IL1RAPL1: variants seen among roughly 807,000 people sequenced by gnomAD.
IL1RAPL1 encodes interleukin 1 receptor accessory protein like 1, also known as interleukin-1 receptor accessory protein-like 1.
Under a neutral mutation model 48.4 loss-of-function variants are expected in IL1RAPL1, and 3 were observed. The observed-to-expected ratio is 0.06, with a 90% CI of 0.03 to 0.16. IL1RAPL1 has a LOEUF of 0.16. Ranked by LOEUF, IL1RAPL1 falls within the 10% of genes least tolerant of loss-of-function variation. The pLI, the probability that IL1RAPL1 is intolerant of heterozygous loss-of-function variation, is 1.00. For missense variants in IL1RAPL1, 349 were observed against 530.6 expected (o/e 0.66, Z 3.36); for synonymous variants, 185 against 187.7 (o/e 0.99, Z 0.12).
chrX:28,744,445 G>A (rs1027839080), intron 1 of IL1RAPL1, among the ~76,000 whole-genome samples: 2 of 111,515 alleles, frequency 1.8e-5, no homozygotes, highest in African/African-American at 6.5e-5. Flanking sequence ...AATTTTATAA[G>A]CAGTATGAGA....
At chrX:28,623,647 C>A (rs1294817754) in intron 1 of IL1RAPL1, among the ~76,000 whole-genome samples, 1 of 111,914 alleles carries the variant, frequency 8.9e-6, no homozygotes, top group African/African-American at 3.2e-5. Flanking sequence ...GCATTTTATT[C>A]TTTCCTTCAT....
chrX:28,753,180 A>G (rs1936063729), intron 1 of IL1RAPL1, among the ~76,000 whole-genome samples: 1 of 111,991 alleles, frequency 8.9e-6, no homozygotes, highest in Admixed American at 9.5e-5. Context: ...AACAGAGGCC[A>G]TATGGCACAC....
At chrX:28,965,370 G>A (rs1306217065) in intron 2 of IL1RAPL1, among the ~76,000 whole-genome samples, 1 of 111,335 alleles carries the variant, frequency 9.0e-6, no homozygotes, top group Non-Finnish European at 1.9e-5. Flanking sequence ...TAGAAGGAAA[G>A]TGAGCCTTTT....
chrX:29,174,204 G>T (rs895034518), intron 2 of IL1RAPL1, among the ~76,000 whole-genome samples: 1 of 111,358 alleles, frequency 9.0e-6, no homozygotes, highest in Non-Finnish European at 1.9e-5. Context: ...GATTACAGGT[G>T]TGAGCCACCA....
intron 2 of IL1RAPL1, among the ~76,000 whole-genome samples, chrX:28,988,976 A>G (rs947071877): frequency 1.3e-4 from 15 of 112,003 alleles, no homozygotes; most frequent in Non-Finnish European, 2.1e-4. Context: ...GAGGCCACCA[A>G]TTGCAGAACT....
chrX:29,047,439 A>T (rs1193348935), intron 2 of IL1RAPL1, among the ~76,000 whole-genome samples: 1 of 112,565 alleles, frequency 8.9e-6, no homozygotes, highest in Non-Finnish European at 1.9e-5. Context: ...CACAGATAGC[A>T]TATTGTCAAA....
intron 2 of IL1RAPL1, among the ~76,000 whole-genome samples, chrX:28,937,802 A>G (rs1279645795): frequency 9.0e-6 from 1 of 111,361 alleles, no homozygotes; most frequent in Admixed American, 9.6e-5. Context: ...AAGCTCCTTC[A>G]CCTGATAACT....
At chrX:29,312,182 G>A (rs1348409277) in intron 3 of IL1RAPL1, among the ~76,000 whole-genome samples, 2 of 111,750 alleles carry the variant, frequency 1.8e-5, no homozygotes, top group Non-Finnish European at 3.8e-5. Context: ...GCTCACGCCT[G>A]TAATCCCTGT....
At chrX:28,761,096 A>G (rs1476398706) in intron 1 of IL1RAPL1, among the ~76,000 whole-genome samples, 1 of 109,199 alleles carries the variant, frequency 9.2e-6, no homozygotes, top group African/African-American at 3.3e-5. Flanking sequence ...CAAAAAAAAA[A>G]AAAAGTCAAA....
chrX:29,870,628 GT>G (rs1931782812), intron 6 of IL1RAPL1, among the ~76,000 whole-genome samples: 1 of 111,859 alleles, frequency 8.9e-6, no homozygotes, highest in South Asian at 3.7e-4. Context: ...TCATAGCATA[GT>G]TTTTTGAGTA....
At chrX:29,873,384 C>G (rs1021354618) in intron 6 of IL1RAPL1, among the ~76,000 whole-genome samples, 2 of 106,121 alleles carry the variant, frequency 1.9e-5, no homozygotes, top group Admixed American at 1.0e-4. Context: ...TTGTGCCCCC[C>G]CCCCAATTAT....
At chrX:29,826,221 A>T (rs1186755394) in intron 6 of IL1RAPL1, among the ~76,000 whole-genome samples, 2 of 111,230 alleles carry the variant, frequency 1.8e-5, no homozygotes, top group African/African-American at 6.5e-5. Flanking sequence ...TGAGGTGGCC[A>T]TTTCTATAAA....
chrX:28,835,372 A>G (rs1921178260), intron 2 of IL1RAPL1, among the ~76,000 whole-genome samples: 1 of 110,830 alleles, frequency 9.0e-6, no homozygotes, highest in Non-Finnish European at 1.9e-5. Context: ...TTCAATAGAG[A>G]TTTCCAGGCT....
chrX:29,193,823 A>G (rs756164435), intron 2 of IL1RAPL1, among the ~76,000 whole-genome samples: 9 of 112,056 alleles, frequency 8.0e-5, no homozygotes, highest in African/African-American at 2.6e-4. Flanking sequence ...GATTGTACCA[A>G]TGTCAATTTC....
chrX:29,319,160 G>GTCTGCCTGTCTGTCTA (rs370282992), intron 3 of IL1RAPL1, among the ~76,000 whole-genome samples: 1,141 of 84,947 alleles, frequency 0.013, 12 homozygotes, highest in African/African-American at 0.015. Flanking sequence ...CTATCTGTCT[G>GTCTGCCTGTCTGTCTA]TCTATCTATC....
At position 29,573,901 on chromosome X, in the gene IL1RAPL1, A is replaced by G. The variant is rs145121799; in HGVS notation, c.704-94529A>G. Among the ~76,000 whole-genome samples the G allele has an allele frequency of 9.4e-3, 1,050 of 111,853 alleles. 12 individuals carry two copies. The highest frequency in any genetic ancestry group is 0.032 in the African/African-American group (994 of 30,757). ...GAGATGTATCTAGGTTGGAAGAACC[A>G]TAAATACTTGAGAAGAAGTCACAGC... On this transcript the variant is annotated intron_variant, in intron 5 of 10. Transcript: ENST00000378993.
At chrX:29,480,490 A>G (rs1006585598) in intron 5 of IL1RAPL1, among the ~76,000 whole-genome samples, 5 of 109,594 alleles carry the variant, frequency 4.6e-5, no homozygotes, top group South Asian at 3.9e-4. Context: ...AAGAAAGACA[A>G]TTCCACTCAT....
intron 5 of IL1RAPL1, among the ~76,000 whole-genome samples, chrX:29,460,518 C>T (rs1934790681): frequency 8.9e-6 from 1 of 112,154 alleles, no homozygotes; most frequent in Non-Finnish European, 1.9e-5. Context: ...AGCAACTACC[C>T]ATACTACAGG....
chrX:29,424,540 A>G (rs1003541367), intron 5 of IL1RAPL1, among the ~76,000 whole-genome samples: 1 of 111,568 alleles, frequency 9.0e-6, no homozygotes, highest in Non-Finnish European at 1.9e-5. Flanking sequence ...ATTCTGATTG[A>G]TCACTTGGGG....
Sources: gnomAD v4.1 joint callset for allele counts (sites outside exome capture counted in the v4.1 genomes callset) on GRCh38, gnomAD v4.1.1 for gene constraint, MANE v1.5 for transcripts, NCBI Gene and HGNC (gene_info 2026-07-23, HGNC 2026-07-21) for gene names.